TENM4: variants seen among roughly 807,000 people sequenced by gnomAD.
The protein encoded by TENM4 is teneurin transmembrane protein 4.
Under a neutral mutation model 243.3 loss-of-function variants are expected in TENM4, and 82 were observed. The observed-to-expected ratio is 0.34, with a 90% CI of 0.28 to 0.40. The LOEUF (loss-of-function observed/expected upper bound fraction) is 0.40, where lower values mean the gene tolerates loss of function less well. Among genes scored for constraint, TENM4 ranks in the 10% least tolerant of loss-of-function variants. TENM4 has a pLI of 1.00. For synonymous variants in TENM4, 1,412 were observed against 1,456.3 expected (o/e 0.97, Z 0.69); for missense variants, 3,138 against 3,673.3 (o/e 0.85, Z 3.77).
intron 1 of TENM4, among the ~76,000 whole-genome samples, chr11:79,368,092 C>T (rs1446267026): frequency 6.6e-6 from 1 of 152,022 alleles, no homozygotes; most frequent in Admixed American, 6.6e-5. Flanking sequence ...AGGAAGGCAC[C>T]AACGCCAGAG....
chr11:78,841,900 C>T (rs567804301), intron 12 of TENM4, among the ~76,000 whole-genome samples: 2 of 152,280 alleles, frequency 1.3e-5, no homozygotes, highest in East Asian at 3.9e-4. Flanking sequence ...CTCCTAATGA[C>T]CAATGCCAGC....
intron 6 of TENM4, among the ~76,000 whole-genome samples, chr11:78,927,787 A>T (rs1402689445): frequency 1.3e-5 from 2 of 152,168 alleles, no homozygotes; most frequent in Non-Finnish European, 2.9e-5. Context: ...AACCTGTCAG[A>T]GTTGGCACTC....
intron 1 of TENM4, among the ~76,000 whole-genome samples, chr11:79,378,956 C>A: frequency 6.6e-6 from 1 of 151,890 alleles, no homozygotes; most frequent in East Asian, 1.9e-4. Context: ...TAACACAGTC[C>A]TTCTTTATTC....
intron 2 of TENM4, among the ~76,000 whole-genome samples, chr11:79,242,946 A>C (rs931726333): frequency 6.6e-6 from 1 of 152,136 alleles, no homozygotes; most frequent in African/African-American, 2.4e-5. Flanking sequence ...ATGCATTTTT[A>C]AACTCTGTAC....
chr11:79,155,618 C>CTCCCTCCCTCCCTTCCATCCTTCCT (rs1350492424), intron 3 of TENM4, among the ~76,000 whole-genome samples: 3 of 137,560 alleles, frequency 2.2e-5, no homozygotes, highest in East Asian at 4.8e-4. Context: ...CTTTCCCTCC[C>CTCCCTCCCTCCCTTCCATCCTTCCT]TCCCTCCCTC....
intron 3 of TENM4, among the ~76,000 whole-genome samples, chr11:79,197,553 TC>T (rs1863656264): frequency 6.6e-6 from 1 of 152,094 alleles, no homozygotes; most frequent in African/African-American, 2.4e-5. Flanking sequence ...TTTAACACTC[TC>T]CCCACACATC....
At chr11:78,818,679 A>T (rs904216803) in intron 12 of TENM4, among the ~76,000 whole-genome samples, 1 of 152,154 alleles carries the variant, frequency 6.6e-6, no homozygotes, top group Non-Finnish European at 1.5e-5. Context: ...GGCAGAAATG[A>T]TATTCTTTGG....
intron 4 of TENM4, among the ~76,000 whole-genome samples, chr11:79,114,639 G>A (rs1861580348): frequency 6.6e-6 from 1 of 152,248 alleles, no homozygotes; most frequent in African/African-American, 2.4e-5. Context: ...TTGGTTGAAT[G>A]CTCTGCCATG....
chr11:78,892,943 C>T lies in TENM4; in HGVS notation c.750-1607G>A, dbSNP rs1357930412. Among the ~76,000 whole-genome samples the T allele has an allele frequency of 4.6e-5, 7 of 152,226 alleles. No homozygotes were observed. In the East Asian group the frequency reaches 1.2e-3, roughly 25 times the overall value. On this transcript the variant is annotated intron_variant, in intron 7 of 33. Transcript: ENST00000278550. ...TTTGTGGCTACTGCCCCTGGTCAGC[C>T]TCAAAGACCCAAACGAGGAGGGGCT...
At chr11:79,134,612 G>C (rs921147101) in intron 4 of TENM4, among the ~76,000 whole-genome samples, 1 of 152,144 alleles carries the variant, frequency 6.6e-6, no homozygotes, top group African/African-American at 2.4e-5. Flanking sequence ...TAAGGCCATA[G>C]TCACCAAAAC....
In TENM4 at chr11:78,928,482, G is replaced by T. The variant is rs186371261; in HGVS notation, c.494-24959C>A. Among the ~76,000 whole-genome samples the T allele has an allele frequency of 2.1e-3, 314 of 152,306 alleles. 1 individual carries two copies. The highest frequency in any genetic ancestry group is 3.4e-3 in the Non-Finnish European group (233 of 68,028). On this transcript the variant is annotated intron_variant, in intron 6 of 33. Coordinates refer to ENST00000278550, the MANE Select transcript of TENM4 (RefSeq NM_001098816.3). ...CAACAAGGAAATAGGTCAAAAATCT[G>T]CAAGGTGCTTGACGGAATAGATTCC...
chr11:78,876,611 G>A (rs993295618), intron 9 of TENM4, among the ~76,000 whole-genome samples: 3 of 152,218 alleles, frequency 2.0e-5, no homozygotes, highest in African/African-American at 7.2e-5. Context: ...ATCCCACAGG[G>A]ATAGGTTCAA....
intron 3 of TENM4, among the ~76,000 whole-genome samples, chr11:79,171,084 A>C (rs1188392804): frequency 2.0e-5 from 3 of 152,214 alleles, no homozygotes. Context: ...ACATAAGCAC[A>C]GAGGTAGAAG....
At chr11:78,673,610 C>A (rs368890521) in intron 30 of TENM4, among the ~76,000 whole-genome samples, 9 of 152,288 alleles carry the variant, frequency 5.9e-5, no homozygotes, top group South Asian at 2.1e-4. Context: ...TTCCCCTATC[C>A]GAGTCTCAGT....
At chr11:78,736,226 G>A (rs1487309335) in intron 20 of TENM4, among the ~76,000 whole-genome samples, 1 of 152,064 alleles carries the variant, frequency 6.6e-6, no homozygotes, top group African/African-American at 2.4e-5. Flanking sequence ...TCCTTACGCC[G>A]TGGCCTCCCA....
chr11:78,933,631 G>A (rs188352270), intron 6 of TENM4, among the ~76,000 whole-genome samples: 1 of 152,164 alleles, frequency 6.6e-6, no homozygotes. Context: ...CTGCAGATTT[G>A]CTAAGTTTCA....
intron 4 of TENM4, chr11:79,097,212 G>A (rs1861104970): frequency 1.3e-5 from 2 of 152,164 alleles, no homozygotes; most frequent in African/African-American, 2.4e-5. Flanking sequence ...CTGGTACAAG[G>A]AATCCACTCC....
At chr11:78,778,160 C>T (rs1326718717) in intron 17 of TENM4, among the ~76,000 whole-genome samples, 1 of 152,134 alleles carries the variant, frequency 6.6e-6, no homozygotes, top group East Asian at 1.9e-4. Context: ...CACAGTAGTA[C>T]TAGAAAGTAG....
At chr11:79,228,651 A>T (rs911206389) in intron 2 of TENM4, among the ~76,000 whole-genome samples, 3 of 152,196 alleles carry the variant, frequency 2.0e-5, no homozygotes, top group Non-Finnish European at 2.9e-5. Flanking sequence ...GAGACGAAAA[A>T]AAAAACAAGA....
Sources: gnomAD v4.1 joint callset for allele counts (sites outside exome capture counted in the v4.1 genomes callset) on GRCh38, gnomAD v4.1.1 for gene constraint, MANE v1.5 for transcripts, NCBI Gene and HGNC (gene_info 2026-07-23, HGNC 2026-07-21) for gene names.